EXOC4: variants seen among roughly 807,000 people sequenced by gnomAD.
EXOC4 encodes SEC8-like 1.
A neutral mutation model predicts 107.2 loss-of-function variants in EXOC4; 71 were observed. The observed-to-expected ratio is 0.66, with a 90% CI of 0.55 to 0.81. The LOEUF (loss-of-function observed/expected upper bound fraction) is 0.81, where lower values mean the gene tolerates loss of function less well. Among genes scored for constraint, EXOC4 ranks in the 30% least tolerant of loss-of-function variants. The pLI is 0.00. For synonymous variants in EXOC4, 456 were observed against 441.2 expected, an observed-to-expected ratio of 1.03 and a Z score of -0.42; for missense variants, 1,108 against 1,189.6, an observed-to-expected ratio of 0.93 and a Z score of 1.01.
chr7:133,939,012 A>G (rs540197312), intron 14 of EXOC4, among the ~76,000 whole-genome samples: 12 of 152,252 alleles, frequency 7.9e-5, no homozygotes, highest in Non-Finnish European at 1.6e-4. Context: ...GGCCTCCCAA[A>G]GTGCTGGGAT....
intron 11 of EXOC4, among the ~76,000 whole-genome samples, chr7:133,827,852 G>A (rs1445813607): frequency 2.0e-5 from 3 of 152,204 alleles, no homozygotes; most frequent in African/African-American, 7.2e-5. Flanking sequence ...AGTGACACTT[G>A]TTTACCAGTT....
chr7:133,642,729 G>A (rs2151026283), intron 10 of EXOC4, among the ~76,000 whole-genome samples: 1 of 152,228 alleles, frequency 6.6e-6, no homozygotes, highest in African/African-American at 2.4e-5. Context: ...AGCCCTTGAA[G>A]TGGAATTCCT....
intron 14 of EXOC4, among the ~76,000 whole-genome samples, chr7:133,964,328 TTTC>T (rs1801013582): frequency 1.3e-5 from 2 of 152,072 alleles, no homozygotes; most frequent in East Asian, 1.9e-4. Context: ...GAGTTTTTTT[TTTC>T]TTCTTCTTTC....
In EXOC4 at chr7:133,793,886, G is replaced by A. The variant is rs1796757994; in HGVS notation, c.1515-23439G>A. On this transcript the variant is annotated intron_variant, in intron 10 of 17. Coordinates refer to ENST00000253861, the MANE Select transcript of EXOC4 (RefSeq NM_021807.4). ...AAAATAAATAAAATGCCCTAAAACAGCTGGATAAAGTTTATCTTGACTGTA... is the reference window on the plus strand; with the variant it reads ...AAAATAAATAAAATGCCCTAAAACAACTGGATAAAGTTTATCTTGACTGTA... Among the ~76,000 whole-genome samples, 3 of 151,790 alleles carry A rather than the reference G, an allele frequency of 2.0e-5. No homozygotes were observed. In the South Asian group the frequency reaches 6.3e-4, roughly 32 times the overall value.
chr7:133,506,391 GT>G (rs1478503629), intron 9 of EXOC4, among the ~76,000 whole-genome samples: 2 of 152,126 alleles, frequency 1.3e-5, no homozygotes, highest in Admixed American at 6.5e-5. Context: ...CCCTAGAACA[GT>G]TAGAGGTCTG....
chr7:133,936,493 TCTC>T (rs1416261314), intron 13 of EXOC4, among the ~76,000 whole-genome samples: 2 of 152,178 alleles, frequency 1.3e-5, no homozygotes, highest in African/African-American at 4.8e-5. Flanking sequence ...CCTTGCTTCT[TCTC>T]AGGTAAGGTG....
In EXOC4 at chr7:134,005,048, A is replaced by G. The variant is rs1248808875; in HGVS notation, c.2485A>G (p.Ser829Gly). ...KDISAIEEAM[S>G]ASLQQHKFQY... ...TATCAGCGCCATTGAAGAGGCCATGAGCGCCAGCCTTCAGCAGCACAAGTT... is the reference window on the plus strand; with the variant it reads ...TATCAGCGCCATTGAAGAGGCCATGGGCGCCAGCCTTCAGCAGCACAAGTT... Residue 829 changes from serine to glycine, a missense_variant, in exon 16 of 18, where the codon AGC (serine) becomes GGC (glycine). Physicochemically the swap from Ser to Gly is moderately conservative, Grantham distance 56. Transcript: ENST00000253861. 7 of 1,613,392 alleles carry G rather than the reference A, an allele frequency of 4.3e-6. No individual in the cohort carries two copies. Among genetic ancestry groups the G allele is most frequent in the Non-Finnish European group, 5.9e-6 (7 of 1,179,604 alleles).
chr7:133,566,927 A>G (rs796328888), intron 9 of EXOC4, among the ~76,000 whole-genome samples: 5 of 152,322 alleles, frequency 3.3e-5, no homozygotes, highest in African/African-American at 1.2e-4. Flanking sequence ...GAACCTGGAC[A>G]CATAAACAGA....
intron 10 of EXOC4, among the ~76,000 whole-genome samples, chr7:133,693,686 C>T (rs1794470107): frequency 1.3e-5 from 2 of 152,132 alleles, no homozygotes; most frequent in African/African-American, 4.8e-5. Flanking sequence ...AAAATGCTGT[C>T]TATATTCTCG....
chr7:133,696,223 G>A (rs144734006), intron 10 of EXOC4, among the ~76,000 whole-genome samples: 10 of 152,228 alleles, frequency 6.6e-5, no homozygotes, highest in African/African-American at 2.2e-4. Context: ...CCCTTTCTAC[G>A]ATCATGCCAA....
chr7:133,657,578 T>C (rs897173555), intron 10 of EXOC4, among the ~76,000 whole-genome samples: 9 of 152,162 alleles, frequency 5.9e-5, no homozygotes, highest in African/African-American at 2.2e-4. Flanking sequence ...TACTGTTATG[T>C]TAGAAATCAG....
intron 10 of EXOC4, among the ~76,000 whole-genome samples, chr7:133,791,401 T>G (rs1300170280): frequency 6.6e-6 from 1 of 152,232 alleles, no homozygotes; most frequent in African/African-American, 2.4e-5. Context: ...TCTGCCTAAT[T>G]TAGTTCTGTG....
At position 133,485,427 on chromosome 7, in the gene EXOC4, A is replaced by T. The variant is rs970138253; in HGVS notation, c.1417+5289A>T. 3.3e-5 allele frequency among the ~76,000 whole-genome samples: 5 copies of T among 150,990 alleles called. No homozygotes were observed. The East Asian group carries it at 9.8e-4, about 29-fold the overall frequency. On this transcript the variant is annotated intron_variant, in intron 9 of 17. Coordinates refer to ENST00000253861, the MANE Select transcript of EXOC4 (RefSeq NM_021807.4). ...GATTTCTTCTGTGCTGACTTTGTAG[A>T]CTCTCCCCAGATGATCTCAGCCAAG...
At chr7:133,715,437 C>T (rs1379771667) in intron 10 of EXOC4, among the ~76,000 whole-genome samples, 2 of 151,984 alleles carry the variant, frequency 1.3e-5, no homozygotes, top group African/African-American at 2.4e-5. Flanking sequence ...CCTTTCTCTG[C>T]CACCCTCAAA....
intron 7 of EXOC4, among the ~76,000 whole-genome samples, chr7:133,418,568 G>A (rs1191052832): frequency 6.6e-6 from 1 of 152,184 alleles, no homozygotes; most frequent in Non-Finnish European, 1.5e-5. Context: ...CTTGGGGTAA[G>A]GGTGAGGACC....
intron 15 of EXOC4, among the ~76,000 whole-genome samples, chr7:134,003,428 G>A (rs969707619): frequency 6.6e-6 from 1 of 152,098 alleles, no homozygotes; most frequent in Non-Finnish European, 1.5e-5. Flanking sequence ...CTAAAAGGGG[G>A]GAGTTATACT....
At chr7:133,626,891 T>A (rs146559646) in intron 9 of EXOC4, among the ~76,000 whole-genome samples, 61 of 152,304 alleles carry the variant, frequency 4.0e-4, no homozygotes, top group Middle Eastern at 3.4e-3. Flanking sequence ...TACAGGGAGA[T>A]TTGCTTACCT....
chr7:134,016,781 T>A (rs1794918303), intron 17 of EXOC4, among the ~76,000 whole-genome samples: 1 of 152,208 alleles, frequency 6.6e-6, no homozygotes, highest in African/African-American at 2.4e-5. Context: ...TTACTTTTGT[T>A]TTCTGCAGGA....
chr7:133,968,719 C>A (rs951850938), intron 14 of EXOC4, among the ~76,000 whole-genome samples: 13 of 152,156 alleles, frequency 8.5e-5, no homozygotes, highest in Non-Finnish European at 1.3e-4. Context: ...CACTGTTAAT[C>A]TGATGGGCTT....
Sources: gnomAD v4.1 joint callset for allele counts (sites outside exome capture counted in the v4.1 genomes callset) on GRCh38, gnomAD v4.1.1 for gene constraint, MANE v1.5 for transcripts, NCBI Gene and HGNC (gene_info 2026-07-23, HGNC 2026-07-21) for gene names.